SRP54: variants seen among roughly 807,000 people sequenced by gnomAD.
SRP54 encodes the protein signal recognition particle 54.
A neutral mutation model predicts 64.8 loss-of-function variants in SRP54; 10 were observed. The observed-to-expected ratio is 0.15, with a 90% confidence interval of 0.10 to 0.26. The LOEUF is 0.26. Among genes scored for constraint, SRP54 ranks in the 10% least tolerant of loss-of-function variants. The pLI is 1.00. For synonymous variants in SRP54, 193 were observed against 185.6 expected (o/e 1.04, Z -0.32); for missense variants, 325 against 613.7 (o/e 0.53, Z 4.97).
Position 35,023,043 on chromosome 14 carries a change from G to A in SRP54, c.1290G>A (p.Met430Ile). 1.2e-6 allele frequency: 2 copies of A among 1,612,120 alleles called. No individual in the cohort carries two copies. Among genetic ancestry groups the A allele is most frequent in the East Asian group, 2.2e-5 (1 of 44,754 alleles). Reference protein sequence around the residue: ...LLTQYTKFAQMVKKMGGIKGL... With the variant: ...LLTQYTKFAQIVKKMGGIKGL... The stretch of plus-strand genomic sequence containing the variant: ...CACAATATACCAAGTTTGCACAGAT[G>A]GTAAAAAAGATGGGAGGTATCAAAG... Residue 430 changes from methionine (M) to isoleucine (I), a missense_variant, in exon 14 of 16, where the codon ATG (methionine) becomes ATA (isoleucine). Coordinates refer to ENST00000216774, the MANE Select transcript of SRP54 (RefSeq NM_003136.4).
At chr14:35,013,017 GACTGCAACCTCTGCCTCCC>G in intron 8 of SRP54, among the ~76,000 whole-genome samples, 1 of 141,598 alleles carries the variant, frequency 7.1e-6, no homozygotes, top group South Asian at 2.3e-4. Flanking sequence ...GATCTCAGCT[GACTGCAACCTCTGCCTCCC>G]GGGTTCAAGT....
chr14:35,002,253 G>A (rs943423354), intron 4 of SRP54, among the ~76,000 whole-genome samples: 1 of 151,742 alleles, frequency 6.6e-6, no homozygotes, highest in Non-Finnish European at 1.5e-5. Context: ...ACTCCGGAGG[G>A]TGAGGCAGGA....
intron 4 of SRP54, among the ~76,000 whole-genome samples, chr14:35,001,652 A>G (rs2044175441): frequency 6.6e-6 from 1 of 152,200 alleles, no homozygotes; most frequent in Non-Finnish European, 1.5e-5. Context: ...TTGTATGGCA[A>G]AGTCACATAT....
intron 7 of SRP54, among the ~76,000 whole-genome samples, chr14:35,010,265 T>C (rs1366645158): frequency 6.6e-6 from 1 of 151,662 alleles, no homozygotes; most frequent in East Asian, 1.9e-4. Flanking sequence ...CTGACCAACA[T>C]GGAGAAAGCC....
chr14:35,016,851 T>G (rs867885045), intron 11 of SRP54, among the ~76,000 whole-genome samples: 2 of 136,172 alleles, frequency 1.5e-5, no homozygotes, highest in Admixed American at 7.2e-5. Context: ...TTTTCTTTTT[T>G]TTTTTTTTTC....
At position 34,988,578 on chromosome 14, in the gene SRP54, A is replaced by AAAAATAT. The variant is rs1384552218; in HGVS notation, c.-34+5364_-34+5365insAAATATA. On this transcript the variant is annotated intron_variant, in intron 1 of 15. Transcript: ENST00000216774. ...TCCATCTCAAAAAAAAAAAAAAAAA[A>AAAAATAT]ATATATATATATATATAACATATAT... Among the ~76,000 whole-genome samples, 33 of 47,098 alleles carry AAAAATAT rather than the reference A, an allele frequency of 7.0e-4. 1 individual carries two copies. Among genetic ancestry groups the AAAAATAT allele is most frequent in the South Asian group, 3.4e-3 (5 of 1,458 alleles). 30.9% of individuals were successfully genotyped at this position (47,098 alleles called of 152,430 possible).
intron 10 of SRP54, 33 bp downstream of exon 10, chr14:35,013,935 C>T: frequency 1.4e-6 from 2 of 1,409,918 alleles, no homozygotes; most frequent in Non-Finnish European, 2.0e-6. Flanking sequence ...AGAAAAATCT[C>T]CAAGAAATAC....
chr14:34,996,685 G>GT lies in SRP54; in HGVS notation c.-24dup, dbSNP rs746979339. 35 of 1,566,192 alleles carry GT rather than the reference G, an allele frequency of 2.2e-5. No individual in the cohort carries two copies. The highest frequency in any genetic ancestry group is 1.2e-4 in the Admixed American group (7 of 59,890). ...TTTTTTTTCTGCTGTAGAGTTCTTC[G>GT]TAAGTACATCTTAAAGCTGTCAAGA... On this transcript the variant is annotated 5_prime_UTR_variant, in exon 2 of 16. Coordinates refer to ENST00000216774, the MANE Select transcript of SRP54 (RefSeq NM_003136.4).
At chr14:35,008,884 C>CTTTT (rs35812379) in intron 7 of SRP54, 53 bp downstream of exon 7, 1,068 of 675,602 alleles carry the variant, frequency 1.6e-3, no homozygotes, top group South Asian at 5.3e-3. Flanking sequence ...TGTCTGTCAG[C>CTTTT]TTTTTTTTTT....
chr14:35,006,083 C>T (rs940355891), intron 4 of SRP54, among the ~76,000 whole-genome samples: 1 of 152,138 alleles, frequency 6.6e-6, no homozygotes, highest in African/African-American at 2.4e-5. Flanking sequence ...TTGTGATCCA[C>T]CTGCCTCTGC....
intron 1 of SRP54, among the ~76,000 whole-genome samples, chr14:34,992,725 AGT>A: frequency 6.6e-6 from 1 of 152,298 alleles, no homozygotes; most frequent in East Asian, 1.9e-4. Context: ...GTATAAGTCC[AGT>A]CCCCACCATT....
chr14:34,997,101 T>C (rs1347415791), intron 2 of SRP54, among the ~76,000 whole-genome samples: 1 of 152,174 alleles, frequency 6.6e-6, no homozygotes, highest in Non-Finnish European at 1.5e-5. Flanking sequence ...GTTTTCTTTA[T>C]TGATATAGAC....
At chr14:35,016,331 A>G (rs965300030) in intron 11 of SRP54, among the ~76,000 whole-genome samples, 1 of 152,164 alleles carries the variant, frequency 6.6e-6, no homozygotes, top group Non-Finnish European at 1.5e-5. Context: ...TAAAGTTTTT[A>G]ACTGATTTTA....
chr14:34,998,815 CTG>C (rs1243912249), intron 2 of SRP54, among the ~76,000 whole-genome samples: 4 of 149,146 alleles, frequency 2.7e-5, no homozygotes, highest in African/African-American at 9.9e-5. Context: ...CTCTGAAACT[CTG>C]TTCCAAAAAA....
intron 4 of SRP54, among the ~76,000 whole-genome samples, chr14:35,006,358 A>G (rs1219781733): frequency 1.3e-5 from 2 of 152,190 alleles, no homozygotes; most frequent in East Asian, 1.9e-4. Flanking sequence ...TTGAATATGG[A>G]CATTAGCACT....
At chr14:34,993,578 A>T (rs1036311432) in intron 1 of SRP54, 1 of 152,142 alleles carries the variant, frequency 6.6e-6, no homozygotes, top group Non-Finnish European at 1.5e-5. Flanking sequence ...TGCCAGTGAT[A>T]GGTCCTCAAA....
intron 4 of SRP54, among the ~76,000 whole-genome samples, chr14:35,003,826 C>T (rs1249761353): frequency 2.0e-5 from 3 of 150,040 alleles, no homozygotes; most frequent in South Asian, 4.4e-4. Flanking sequence ...CCGAGTTACT[C>T]GGGAGGGTAA....
rs1042081993 is a variant in SRP54, at chr14:35,013,264, G to A, written c.637-82G>A. 2.9e-6 allele frequency: 4 copies of A among 1,366,112 alleles called. No individual in the cohort carries two copies. In the African/African-American group the frequency reaches 4.4e-5, roughly 15 times the overall value. The allele number at this position is 1,366,112 out of a possible 1,614,324, so 84.6% of individuals were successfully genotyped here. On this transcript the variant is annotated intron_variant, in intron 8 of 15. Transcript: ENST00000216774. ...GCCACTGCACCTGGCTCTAAATATT[G>A]TTTTATAGCTTCTAATGATGACATT...
At chr14:35,001,706 CT>C (rs948973714) in intron 4 of SRP54, among the ~76,000 whole-genome samples, 1 of 152,152 alleles carries the variant, frequency 6.6e-6, no homozygotes, top group African/African-American at 2.4e-5. Context: ...AAGGAATTCC[CT>C]TTGCAAAGAC....
Sources: gnomAD v4.1 joint callset for allele counts (sites outside exome capture counted in the v4.1 genomes callset) on GRCh38, gnomAD v4.1.1 for gene constraint, MANE v1.5 for transcripts, NCBI Gene and HGNC (gene_info 2026-07-23, HGNC 2026-07-21) for gene names.